Variants in DMD observed in about 807,000 individuals in gnomAD.
The protein encoded by DMD is mutant dystrophin.
A neutral mutation model predicts 330.1 loss-of-function variants in DMD; 63 were observed. The observed-to-expected ratio is 0.19, with a 90% confidence interval of 0.16 to 0.24. The LOEUF is 0.24. Ranked by LOEUF, DMD falls within the 10% of genes least tolerant of loss-of-function variation. The pLI is 1.00. For missense variants in DMD, 3,344 were observed against 2,684.1 expected (o/e 1.25, Z -5.43); for synonymous variants, 1,223 against 959.8 (o/e 1.27, Z -5.07).
chrX:33,010,921 A>C lies in DMD; in HGVS notation c.93+9218T>G, dbSNP rs187331860. Reference sequence around the variant, plus strand: ...TTAGAAATCCGGATTCCTGGGTCCCACCCTAGACCTATGGAATTAGAAACT... The same window carrying C: ...TTAGAAATCCGGATTCCTGGGTCCCCCCCTAGACCTATGGAATTAGAAACT... On this transcript the variant is annotated intron_variant, in intron 2 of 78. Coordinates refer to ENST00000357033, the MANE Select transcript of DMD (RefSeq NM_004006.3). 5.4e-5 allele frequency among the ~76,000 whole-genome samples: 6 copies of C among 111,199 alleles called. No individual in the cohort carries two copies. In the East Asian group the frequency reaches 1.4e-3, roughly 26 times the overall value.
At chrX:31,679,747 T>C (rs1214437539) in intron 52 of DMD, among the ~76,000 whole-genome samples, 161 bp from the exon 53 acceptor site, 1 of 112,742 alleles carries the variant, frequency 8.9e-6, no homozygotes, top group African/African-American at 3.2e-5. Context: ...CTTTGCTTTT[T>C]TGATGGCAAA....
intron 2 of DMD, among the ~76,000 whole-genome samples, chrX:33,003,370 TGTTATCATTTATGAAGA>T: frequency 8.9e-6 from 1 of 112,300 alleles, no homozygotes; most frequent in South Asian, 3.7e-4. Context: ...AAACAACAAA[TGTTATCATTTATGAAGA>T]ATAAAATCTT....
chrX:31,262,991 T>C (rs759614687), intron 62 of DMD, among the ~76,000 whole-genome samples: 1 of 112,706 alleles, frequency 8.9e-6, no homozygotes, highest in Non-Finnish European at 1.9e-5. Context: ...GTCATCCAGA[T>C]GTGATATAAG....
intron 47 of DMD, among the ~76,000 whole-genome samples, chrX:31,878,819 A>G (rs2094008343): frequency 8.9e-6 from 1 of 112,429 alleles, no homozygotes; most frequent in Admixed American, 9.5e-5. Context: ...CATCTATTGC[A>G]CTGGCAAAAA....
At chrX:31,717,721 A>G (rs1305637028) in intron 52 of DMD, among the ~76,000 whole-genome samples, 1 of 112,469 alleles carries the variant, frequency 8.9e-6, no homozygotes. Context: ...TTATCACTTC[A>G]TGGCACACTT....
intron 63 of DMD, among the ~76,000 whole-genome samples, chrX:31,254,337 A>ACC (rs201996687): frequency 8.7e-4 from 92 of 106,083 alleles, no homozygotes; most frequent in African/African-American, 2.6e-3. Flanking sequence ...TAATTAAGAG[A>ACC]CCCCCCCCCA....
chrX:31,154,772 C>T (rs1219468388), intron 74 of DMD, among the ~76,000 whole-genome samples: 2 of 111,461 alleles, frequency 1.8e-5, no homozygotes, highest in African/African-American at 3.3e-5. Flanking sequence ...GATCAGACAA[C>T]GACTCCACAG....
At chrX:33,302,736 G>C (rs1007630799) in intron 1 of DMD, among the ~76,000 whole-genome samples, 3 of 111,133 alleles carry the variant, frequency 2.7e-5, no homozygotes, top group Non-Finnish European at 5.7e-5. Flanking sequence ...CACCAGACGG[G>C]TACATTTGTT....
chrX:33,292,491 C>T (rs2053526968), intron 1 of DMD, among the ~76,000 whole-genome samples: 1 of 110,415 alleles, frequency 9.1e-6, no homozygotes, highest in Non-Finnish European at 1.9e-5. Flanking sequence ...GATTTGAGAG[C>T]TACTGGTTTT....
intron 1 of DMD, among the ~76,000 whole-genome samples, chrX:33,069,291 TA>T (rs1203682394): frequency 9.0e-6 from 1 of 110,765 alleles, no homozygotes. Context: ...ATTTCTATCT[TA>T]AAAAAATACA....
chrX:32,829,736 A>G (rs2079015710), intron 4 of DMD, among the ~76,000 whole-genome samples: 1 of 111,948 alleles, frequency 8.9e-6, no homozygotes, highest in South Asian at 3.6e-4. Context: ...TAGAGTATGT[A>G]TGAGCTATAT....
intron 2 of DMD, among the ~76,000 whole-genome samples, chrX:32,882,999 T>A (rs2084109652): frequency 1.8e-5 from 2 of 112,318 alleles, no homozygotes; most frequent in Non-Finnish European, 3.7e-5. Context: ...CCTGCAGGGC[T>A]TTCTGCAGTA....
intron 47 of DMD, among the ~76,000 whole-genome samples, chrX:31,927,638 A>C (rs909681953): frequency 8.8e-5 from 6 of 67,897 alleles, no homozygotes; most frequent in African/African-American, 5.7e-4. Context: ...GAAACCAAGA[A>C]GGGATTTTTT....
chrX:32,639,132 T>G (rs1383751393), intron 11 of DMD, among the ~76,000 whole-genome samples: 1 of 112,189 alleles, frequency 8.9e-6, no homozygotes, highest in Admixed American at 9.5e-5. Flanking sequence ...ATGTCCTAAC[T>G]ACAATTATCA....
At chrX:32,446,873 A>G (rs1158476744) in intron 27 of DMD, among the ~76,000 whole-genome samples, 1 of 110,680 alleles carries the variant, frequency 9.0e-6, no homozygotes, top group Non-Finnish European at 1.9e-5. Context: ...ATGGAACTCA[A>G]TAATTTGATA....
intron 2 of DMD, among the ~76,000 whole-genome samples, chrX:33,008,582 C>A (rs931401928): frequency 1.8e-5 from 2 of 109,304 alleles, no homozygotes; most frequent in Non-Finnish European, 3.8e-5. Flanking sequence ...TATAGTAGCC[C>A]ATGAAAGGAT....
At chrX:32,589,027 G>C (rs1282731193) in intron 13 of DMD, among the ~76,000 whole-genome samples, 1 of 111,822 alleles carries the variant, frequency 8.9e-6, no homozygotes, top group Non-Finnish European at 1.9e-5. Flanking sequence ...ATGGACTCAG[G>C]AAAGATCTGG....
At chrX:32,782,386 T>G (rs1024127387) in intron 7 of DMD, among the ~76,000 whole-genome samples, 4 of 111,825 alleles carry the variant, frequency 3.6e-5, no homozygotes, top group Non-Finnish European at 7.5e-5. Flanking sequence ...AAGGACATAA[T>G]CTTTCTGGGG....
intron 55 of DMD, among the ~76,000 whole-genome samples, chrX:31,595,070 T>C (rs748485404): frequency 8.9e-6 from 1 of 111,850 alleles, no homozygotes; most frequent in South Asian, 3.7e-4. Context: ...GTATTTGTTA[T>C]GTAGACAAAT....
Sources: allele counts gnomAD v4.1 joint callset (sites outside exome capture counted in the v4.1 genomes callset), GRCh38; gene constraint gnomAD v4.1.1; transcripts MANE v1.5; gene names NCBI Gene and HGNC (gene_info 2026-07-23, HGNC 2026-07-21).